The following TPO variants were observed in gnomAD, a reference collection of about 807,000 sequenced individuals.
The protein encoded by TPO is thyroid peroxidase.
Under a neutral mutation model 96.9 loss-of-function variants are expected in TPO, and 78 were observed. The ratio of observed to expected loss-of-function variants is 0.81; its 90% CI spans 0.67 to 0.97. TPO has a LOEUF of 0.97. Ranked by LOEUF, TPO falls within the 50% of genes least tolerant of loss-of-function variation. The pLI is 0.00. For synonymous variants in TPO, 547 were observed against 538.0 expected (o/e 1.02, Z -0.23); for missense variants, 1,252 against 1,274.8 (o/e 0.98, Z 0.27).
intron 15 of TPO, among the ~76,000 whole-genome samples, chr2:1,518,561 G>C (rs1674940986): frequency 6.6e-6 from 1 of 152,214 alleles, no homozygotes; most frequent in Admixed American, 6.5e-5. Flanking sequence ...CAACTGCTGT[G>C]GTTGACCCAG....
At chr2:1,520,487 C>G (rs1328103360) in intron 15 of TPO, among the ~76,000 whole-genome samples, 3 of 152,190 alleles carry the variant, frequency 2.0e-5, no homozygotes, top group Admixed American at 2.0e-4. Context: ...CCTAGTGAGA[C>G]AAAGGTGTTT....
chr2:1,410,587 T>C (rs1662317597), upstream of TPO, among the ~76,000 whole-genome samples: 2 of 152,148 alleles, frequency 1.3e-5, no homozygotes, highest in Non-Finnish European at 2.9e-5. Flanking sequence ...TTGATCAAGG[T>C]ATTCAGTAAT....
chr2:1,513,204 G>A (rs1211797181), intron 14 of TPO, among the ~76,000 whole-genome samples: 1 of 152,234 alleles, frequency 6.6e-6, no homozygotes, highest in Non-Finnish European at 1.5e-5. Context: ...ATGACAGCGT[G>A]AAACCCAAGC....
At chr2:1,503,776 C>A (rs1260981918) in intron 13 of TPO, 172 bp from the exon 14 acceptor site, 5 of 1,231,156 alleles carry the variant, frequency 4.1e-6, no homozygotes, top group East Asian at 2.5e-5. Context: ...CTCCTCATCA[C>A]CTTTTCGGAT....
At chr2:1,388,705 T>C (rs1197761512) in intron 1 of TPO, among the ~76,000 whole-genome samples, 3 of 152,176 alleles carry the variant, frequency 2.0e-5, no homozygotes, top group African/African-American at 7.2e-5. Context: ...CTCGGTGTGC[T>C]GCATGCACTG....
At chr2:1,473,950 T>C (rs534167978) in intron 7 of TPO, among the ~76,000 whole-genome samples, 21 of 152,264 alleles carry the variant, frequency 1.4e-4, no homozygotes, top group African/African-American at 5.1e-4. Context: ...TAAGAAAAAA[T>C]AATTTTATTA....
chr2:1,493,459 G>A (rs773502235), intron 10 of TPO, among the ~76,000 whole-genome samples: 8 of 143,302 alleles, frequency 5.6e-5, no homozygotes, highest in African/African-American at 1.0e-4. Context: ...CTGCCGGGCA[G>A]TGTCACAGGG....
intron 15 of TPO, among the ~76,000 whole-genome samples, chr2:1,528,070 C>G (rs1464095886): frequency 3.6e-5 from 5 of 138,790 alleles, no homozygotes; most frequent in Non-Finnish European, 7.7e-5. Context: ...TGCAACCCCC[C>G]CAGATCTCCC....
At chr2:1,441,402 G>T (rs942355732) in intron 5 of TPO, among the ~76,000 whole-genome samples, 1 of 152,214 alleles carries the variant, frequency 6.6e-6, no homozygotes, top group African/African-American at 2.4e-5. Flanking sequence ...TAACAAGGGG[G>T]TGTGTGTGCA....
intron 14 of TPO, among the ~76,000 whole-genome samples, chr2:1,509,166 G>T (rs1221765842): frequency 1.3e-5 from 2 of 152,202 alleles, no homozygotes; most frequent in Non-Finnish European, 2.9e-5. Context: ...TCAGGAGCAG[G>T]TTGTTCAGTT....
intron 15 of TPO, among the ~76,000 whole-genome samples, chr2:1,540,096 AC>A (rs1244283181): frequency 6.6e-6 from 1 of 152,078 alleles, no homozygotes; most frequent in Non-Finnish European, 1.5e-5. Context: ...CCTCCCAGAG[AC>A]CAGGGGGCCT....
intron 5 of TPO, among the ~76,000 whole-genome samples, chr2:1,449,710 G>A (rs1667152345): frequency 6.6e-6 from 1 of 152,186 alleles, no homozygotes; most frequent in African/African-American, 2.4e-5. Context: ...AGGTGGAATT[G>A]ACCTTGGTGT....
intron 14 of TPO, among the ~76,000 whole-genome samples, chr2:1,512,096 C>G (rs1029398704): frequency 1.3e-5 from 2 of 151,736 alleles, no homozygotes; most frequent in Admixed American, 6.6e-5. Flanking sequence ...TGCAGTGGCG[C>G]GATCTCAGCC....
intron 15 of TPO, among the ~76,000 whole-genome samples, chr2:1,537,552 CCTGAAATCCCCCAA>C (rs1680093347): frequency 1.4e-5 from 1 of 71,164 alleles, no homozygotes; most frequent in Non-Finnish European, 2.9e-5. Context: ...TGTGCAACCT[CCTGAAATCCCCCAA>C]CTGTGTTCAA....
At chr2:1,402,663 AG>A (rs1048814333) in intron 1 of TPO, among the ~76,000 whole-genome samples, 32 of 152,276 alleles carry the variant, frequency 2.1e-4, no homozygotes, top group African/African-American at 7.5e-4. Context: ...AGCCAAGCAA[AG>A]GGGGAAACTT....
intron 10 of TPO, among the ~76,000 whole-genome samples, chr2:1,491,654 C>A (rs1194898597): frequency 6.6e-6 from 1 of 152,224 alleles, no homozygotes; most frequent in African/African-American, 2.4e-5. Context: ...CTGTGGCAAG[C>A]AATGGGCGTC....
At chr2:1,484,484 A>G (rs2148706216) in intron 8 of TPO, 112 bp from the exon 9 acceptor site, 1 of 1,396,926 alleles carries the variant, frequency 7.2e-7, no homozygotes, top group Non-Finnish European at 1.0e-6. Flanking sequence ...ACAAGACGAG[A>G]AGGGTCCAGT....
rs1230346715 is a variant in TPO at position 1,477,576 on chromosome 2, C to T, written c.1310C>T (p.Ala437Val). The T allele has an allele frequency of 6.5e-7, 1 of 1,536,522 alleles. No individual in the cohort carries two copies. The highest frequency in any genetic ancestry group is 1.2e-5 in the South Asian group (1 of 84,112). ...AGCGCGGACGCCGTGTACCAGGAGG[C>T]GCGCAAGGTCGTGGGCGCTCTGCAC... The part of the protein sequence containing the change: ...HWSADAVYQE[A>V]RKVVGALHQI... The change falls in exon 8 of 17, where the codon GCG becomes GTG. Residue 437 changes from alanine to valine, a missense_variant. Ala to Val is a moderately conservative substitution (Grantham distance 64). Transcript: ENST00000329066.
chr2:1,385,548 T>C (rs560140047), intron 1 of TPO, among the ~76,000 whole-genome samples: 34 of 152,268 alleles, frequency 2.2e-4, no homozygotes, highest in African/African-American at 7.0e-4. Flanking sequence ...GTGGGATCGG[T>C]GGTGATATCC....
Sources: gnomAD v4.1 joint callset for allele counts (sites outside exome capture counted in the v4.1 genomes callset) on GRCh38, gnomAD v4.1.1 for gene constraint, MANE v1.5 for transcripts, NCBI Gene and HGNC (gene_info 2026-07-23, HGNC 2026-07-21) for gene names.